SEMA3E: variants seen among roughly 807,000 people sequenced by gnomAD.
SEMA3E encodes semaphorin 3E, also known as semaphorin-3E.
Under a neutral mutation model 93.6 loss-of-function variants are expected in SEMA3E, and 49 were observed. The ratio of observed to expected loss-of-function variants is 0.52; its 90% CI spans 0.42 to 0.66. The LOEUF (loss-of-function observed/expected upper bound fraction) is 0.66, where lower values mean the gene tolerates loss of function less well. SEMA3E is among the 30% of genes least tolerant of loss of function. The probability of loss-of-function intolerance (pLI) is 0.00; values close to 1 mark genes in which losing one functional copy is unlikely to be tolerated. For missense variants in SEMA3E, 906 were observed against 964.8 expected (o/e 0.94, Z 0.81); for synonymous variants, 363 against 330.7 (o/e 1.10, Z -1.06).
chr7:83,458,847 CTTT>C (rs915921794), intron 4 of SEMA3E, among the ~76,000 whole-genome samples: 1 of 146,286 alleles, frequency 6.8e-6, no homozygotes, highest in African/African-American at 2.5e-5. Flanking sequence ...ATATATTTTT[CTTT>C]TTTGTTATAT....
intron 4 of SEMA3E, among the ~76,000 whole-genome samples, chr7:83,461,002 T>A (rs1789604821): frequency 6.6e-6 from 1 of 152,120 alleles, no homozygotes; most frequent in Non-Finnish European, 1.5e-5. Flanking sequence ...AACTCACACC[T>A]GACCTAAAAC....
chr7:83,399,196 A>C (rs987607034), intron 11 of SEMA3E, among the ~76,000 whole-genome samples: 2 of 152,182 alleles, frequency 1.3e-5, no homozygotes, highest in African/African-American at 2.4e-5. Flanking sequence ...GAAGAAAGAC[A>C]ATGAAAGAAT....
At chr7:83,566,953 A>T (rs868387459) in intron 1 of SEMA3E, among the ~76,000 whole-genome samples, 6 of 152,216 alleles carry the variant, frequency 3.9e-5, no homozygotes, top group Admixed American at 1.3e-4. Context: ...ATGTAAACAT[A>T]CAAGTTTTCC....
At chr7:83,428,260 A>C (rs1788812564) in intron 4 of SEMA3E, among the ~76,000 whole-genome samples, 1 of 152,224 alleles carries the variant, frequency 6.6e-6, no homozygotes, top group East Asian at 1.9e-4. Flanking sequence ...AGCTTCATGA[A>C]CTAATACTCT....
intron 1 of SEMA3E, among the ~76,000 whole-genome samples, chr7:83,537,685 A>G (rs1791434630): frequency 6.6e-6 from 1 of 152,306 alleles, no homozygotes; most frequent in Non-Finnish European, 1.5e-5. Context: ...TTTTTTATAA[A>G]CAGCTTTATA....
At chr7:83,516,375 T>C (rs1028473153) in intron 1 of SEMA3E, among the ~76,000 whole-genome samples, 1 of 152,196 alleles carries the variant, frequency 6.6e-6, no homozygotes, top group Non-Finnish European at 1.5e-5. Context: ...TAAAAATATT[T>C]TCCTCTACTT....
chr7:83,621,666 T>C (rs1288601119), intron 1 of SEMA3E, among the ~76,000 whole-genome samples: 2 of 152,008 alleles, frequency 1.3e-5, no homozygotes, highest in Non-Finnish European at 2.9e-5. Flanking sequence ...TGGAACAGAA[T>C]AGAGAACTCA....
chr7:83,516,884 A>G (rs17505033), intron 1 of SEMA3E, among the ~76,000 whole-genome samples: 3,322 of 151,386 alleles, frequency 0.022, 59 homozygotes, highest in South Asian at 0.083. Flanking sequence ...TTTAGTAATA[A>G]CAGTAATAAT....
At chr7:83,584,657 G>A (rs1045814476) in intron 1 of SEMA3E, among the ~76,000 whole-genome samples, 1 of 152,032 alleles carries the variant, frequency 6.6e-6, no homozygotes, top group African/African-American at 2.4e-5. Flanking sequence ...TCCTGCCAAT[G>A]TCACTCCCCA....
At chr7:83,588,267 A>C (rs1336870285) in intron 1 of SEMA3E, among the ~76,000 whole-genome samples, 1 of 152,092 alleles carries the variant, frequency 6.6e-6, no homozygotes, top group Admixed American at 6.6e-5. Context: ...CTGTAATCCC[A>C]GCTACTCGGA....
chr7:83,441,818 G>A (rs930241694), intron 4 of SEMA3E, among the ~76,000 whole-genome samples: 7 of 152,146 alleles, frequency 4.6e-5, no homozygotes, highest in African/African-American at 1.4e-4. Flanking sequence ...TCATCAGTTT[G>A]GATTGCGTCC....
intron 5 of SEMA3E, among the ~76,000 whole-genome samples, chr7:83,414,358 ATAT>A (rs34597849): frequency 0.53 from 80,933 of 151,672 alleles, 23,363 homozygotes; most frequent in East Asian, 0.84. Flanking sequence ...AAATGTTTTA[ATAT>A]TATTAACAAC....
At position 83,392,656 on chromosome 7, in the gene SEMA3E, A is replaced by G. The variant is rs61636768; in HGVS notation, c.1566T>C (p.Tyr522=). ...AQVRFHHCDM[Y]GSACADCCLA... is the part of the protein sequence containing the mutation. ...GGCAGCAGTCAGCACAAGCACTTCC[A>G]TACATGTCACAGTGATGGAATCTGA... is the stretch of plus-strand genomic sequence containing the variant. Residue 522 remains tyrosine (Y), a synonymous_variant, in exon 14 of 17, where the codon TAT becomes TAC. Coordinates refer to ENST00000643230, the MANE Select transcript of SEMA3E (RefSeq NM_012431.3). 7.1e-3 allele frequency: 11,447 copies of G among 1,613,842 alleles called. 667 individuals carry two copies. In the African/African-American group the frequency reaches 0.13, roughly 18 times the overall value.
intron 1 of SEMA3E, among the ~76,000 whole-genome samples, chr7:83,530,881 GA>G (rs34149088): frequency 0.53 from 80,104 of 150,432 alleles, 23,405 homozygotes; most frequent in Middle Eastern, 0.69. Context: ...TCCGTCGGGG[GA>G]AAAAAAAAAT....
intron 16 of SEMA3E, chr7:83,371,548 G>C (rs1794749198): frequency 6.6e-6 from 1 of 152,042 alleles, no homozygotes; most frequent in African/African-American, 2.4e-5. Flanking sequence ...AAAGCTACAA[G>C]CGTAAGGAAT....
chr7:83,398,344 T>C (rs528234332), intron 11 of SEMA3E, among the ~76,000 whole-genome samples: 58 of 152,302 alleles, frequency 3.8e-4, no homozygotes, highest in Non-Finnish European at 6.0e-4. Flanking sequence ...GTTTTTGCCA[T>C]TAAAGTAACA....
At chr7:83,525,705 T>A (rs1471831722) in intron 1 of SEMA3E, among the ~76,000 whole-genome samples, 2 of 152,020 alleles carry the variant, frequency 1.3e-5, no homozygotes, top group Admixed American at 6.6e-5. Flanking sequence ...TGCAATATTT[T>A]CTCTGATCTT....
At chr7:83,583,578 C>T (rs1217553717) in intron 1 of SEMA3E, among the ~76,000 whole-genome samples, 2 of 152,096 alleles carry the variant, frequency 1.3e-5, no homozygotes, top group Non-Finnish European at 2.9e-5. Context: ...CACTCGATTC[C>T]ATCCCCATCT....
At chr7:83,482,315 C>A (rs1790160528) in intron 2 of SEMA3E, among the ~76,000 whole-genome samples, 1 of 151,974 alleles carries the variant, frequency 6.6e-6, no homozygotes, top group African/African-American at 2.4e-5. Context: ...GTCTGTAATC[C>A]CGGCACTTTG....
Sources: gnomAD v4.1 joint callset for allele counts (sites outside exome capture counted in the v4.1 genomes callset) on GRCh38, gnomAD v4.1.1 for gene constraint, MANE v1.5 for transcripts, NCBI Gene and HGNC (gene_info 2026-07-23, HGNC 2026-07-21) for gene names.